Variants in ADGRL4 observed in about 807,000 individuals in gnomAD.
The protein encoded by ADGRL4 is adhesion G protein-coupled receptor L4, also known as EGF, latrophilin and seven transmembrane domain containing 1.
In ADGRL4, 90 loss-of-function variants were observed where a neutral mutation model predicts 74.8. The observed-to-expected ratio is 1.20, with a 90% CI of 1.02 to 1.43. The LOEUF (loss-of-function observed/expected upper bound fraction) is 1.43. Among genes scored for constraint, ADGRL4 ranks in the 40% most tolerant of loss-of-function variants. The probability of loss-of-function intolerance (pLI) is 0.00; values close to 1 mark genes in which losing one functional copy is unlikely to be tolerated. For synonymous variants in ADGRL4, 311 were observed against 279.2 expected, an observed-to-expected ratio of 1.11 and a Z score of -1.14; for missense variants, 881 against 814.3, an observed-to-expected ratio of 1.08 and a Z score of -1.00.
chr1:78,958,041 C>T (rs1361298619), intron 2 of ADGRL4, among the ~76,000 whole-genome samples: 2 of 151,950 alleles, frequency 1.3e-5, no homozygotes, highest in Non-Finnish European at 2.9e-5. Context: ...TATGACAGCA[C>T]ATCTGTTTAC....
chr1:78,902,402 A>G (rs1308396940), intron 12 of ADGRL4, among the ~76,000 whole-genome samples: 1 of 152,190 alleles, frequency 6.6e-6, no homozygotes, highest in African/African-American at 2.4e-5. Flanking sequence ...CACCATTACC[A>G]TTATTATTTC....
chr1:78,997,018 T>G (rs1650730843), intron 2 of ADGRL4, among the ~76,000 whole-genome samples: 1 of 152,178 alleles, frequency 6.6e-6, no homozygotes, highest in South Asian at 2.1e-4. Flanking sequence ...GATTAGCAGG[T>G]ATGGACTCCA....
intron 12 of ADGRL4, among the ~76,000 whole-genome samples, chr1:78,915,905 G>A (rs149738624): frequency 6.6e-6 from 1 of 151,860 alleles, no homozygotes; most frequent in Admixed American, 6.6e-5. Context: ...TTTAAAAAAG[G>A]TATTATAAAA....
chr1:78,901,820 G>A (rs1276219010), intron 12 of ADGRL4, among the ~76,000 whole-genome samples: 1 of 152,112 alleles, frequency 6.6e-6, no homozygotes, highest in Non-Finnish European at 1.5e-5. Flanking sequence ...ATCATGTTCA[G>A]CACTCACTAG....
chr1:78,893,296 T>C, intron 12 of ADGRL4, 107 bp from the exon 13 acceptor site: 1 of 751,140 alleles, frequency 1.3e-6, no homozygotes, highest in Non-Finnish European at 2.2e-6. Context: ...CTAAAAATCA[T>C]GGCATTTATA....
chr1:78,915,830 G>A (rs1047432882), intron 12 of ADGRL4, among the ~76,000 whole-genome samples: 3 of 151,808 alleles, frequency 2.0e-5, no homozygotes, highest in Non-Finnish European at 4.4e-5. Flanking sequence ...TAGCACAGAA[G>A]AACAAAGATA....
chr1:78,895,248 T>C (rs1570207156), intron 12 of ADGRL4, among the ~76,000 whole-genome samples: 1 of 152,030 alleles, frequency 6.6e-6, no homozygotes, highest in East Asian at 1.9e-4. Context: ...TCCACATTCA[T>C]TGATAATAAT....
At chr1:78,994,571 G>A (rs754264532) in intron 2 of ADGRL4, among the ~76,000 whole-genome samples, 32 of 152,144 alleles carry the variant, frequency 2.1e-4, no homozygotes, top group Non-Finnish European at 3.5e-4. Context: ...AGAGTCCATC[G>A]TCAGTTTAAA....
intron 2 of ADGRL4, among the ~76,000 whole-genome samples, chr1:78,994,801 T>C (rs1650681152): frequency 1.3e-5 from 2 of 152,178 alleles, no homozygotes; most frequent in Admixed American, 1.3e-4. Context: ...TCCTGCCTCA[T>C]TAGTTGAGCC....
intron 2 of ADGRL4, among the ~76,000 whole-genome samples, chr1:78,956,335 G>A (rs1263865787): frequency 6.6e-6 from 1 of 152,028 alleles, no homozygotes; most frequent in African/African-American, 2.4e-5. Flanking sequence ...AGCCTACATT[G>A]GTTATGTCAA....
At chr1:78,993,171 C>A (rs944814348) in intron 2 of ADGRL4, among the ~76,000 whole-genome samples, 4 of 151,746 alleles carry the variant, frequency 2.6e-5, no homozygotes, top group African/African-American at 7.3e-5. Flanking sequence ...TATATATTGG[C>A]AATACAAAAG....
intron 2 of ADGRL4, among the ~76,000 whole-genome samples, chr1:78,996,851 C>T (rs1650727556): frequency 1.3e-5 from 2 of 151,998 alleles, no homozygotes; most frequent in East Asian, 3.9e-4. Flanking sequence ...GTTTGTTTCA[C>T]AGGAAAAATC....
At chr1:78,983,681 C>T (rs1371488434) in intron 2 of ADGRL4, among the ~76,000 whole-genome samples, 2 of 151,794 alleles carry the variant, frequency 1.3e-5, no homozygotes, top group East Asian at 3.9e-4. Flanking sequence ...CAGATTAAAA[C>T]TTTTACAGAA....
chr1:78,987,280 C>T (rs138592014), intron 2 of ADGRL4, among the ~76,000 whole-genome samples: 22 of 151,802 alleles, frequency 1.4e-4, no homozygotes, highest in Admixed American at 3.3e-4. Context: ...AATGGGGAAA[C>T]GCACTCCAAA....
chr1:78,937,278 C>T (rs562685381), intron 6 of ADGRL4, among the ~76,000 whole-genome samples: 1 of 152,264 alleles, frequency 6.6e-6, no homozygotes, highest in Non-Finnish European at 1.5e-5. Flanking sequence ...AACCCCATCT[C>T]TACCAAAAGA....
intron 2 of ADGRL4, among the ~76,000 whole-genome samples, chr1:78,966,161 G>A (rs182143385): frequency 6.6e-6 from 1 of 152,252 alleles, no homozygotes; most frequent in East Asian, 1.9e-4. Flanking sequence ...CCTGTACACT[G>A]TGGTGGAGCC....
intron 1 of ADGRL4, among the ~76,000 whole-genome samples, chr1:79,006,276 CA>C (rs1261561642): frequency 3.9e-5 from 6 of 152,146 alleles, no homozygotes; most frequent in Non-Finnish European, 8.8e-5. Flanking sequence ...ACAGTATGTT[CA>C]AAATGAAGCT....
At position 78,933,393 on chromosome 1, in the gene ADGRL4, A is replaced by T. The variant is rs564716968; in HGVS notation, c.877+2902T>A. 8.6e-5 allele frequency among the ~76,000 whole-genome samples: 13 copies of T among 151,606 alleles called. No homozygotes were observed. In the South Asian group the frequency reaches 1.7e-3, roughly 19 times the overall value. On this transcript the variant is annotated intron_variant, in intron 7 of 14. Coordinates refer to ENST00000370742, the MANE Select transcript of ADGRL4 (RefSeq NM_022159.4). ...AAAATTCAGCATCCCTTCATGTTAA[A>T]AATTATCAACAAACTTGATACTGAT...
chr1:78,957,866 C>T lies in ADGRL4; in HGVS notation c.173-11440G>A, dbSNP rs537112112. ...CATAGCTAGAGAGGAGAAGTCAATGCCTGGCTCCAAAGCTTCAAAGCACAG... is the reference window on the plus strand; with the variant it reads ...CATAGCTAGAGAGGAGAAGTCAATGTCTGGCTCCAAAGCTTCAAAGCACAG... On this transcript the variant is annotated intron_variant, in intron 2 of 14. Transcript: ENST00000370742. Among the ~76,000 whole-genome samples the T allele has an allele frequency of 2.6e-5, 4 of 152,278 alleles. No individual in the cohort carries two copies. In the South Asian group the frequency reaches 8.3e-4, roughly 32 times the overall value.
Sources: gnomAD v4.1 joint callset for allele counts (sites outside exome capture counted in the v4.1 genomes callset) on GRCh38, gnomAD v4.1.1 for gene constraint, MANE v1.5 for transcripts, NCBI Gene and HGNC (gene_info 2026-07-23, HGNC 2026-07-21) for gene names.